The following SPOCK3 variants were observed in gnomAD, a reference collection of about 807,000 sequenced individuals.
SPOCK3 encodes SPARC (osteonectin), cwcv and kazal like domains proteoglycan 3, also known as testican-3.
In SPOCK3, 30 loss-of-function variants were observed where a neutral mutation model predicts 56.6. The observed-to-expected ratio is 0.53, with a 90% CI of 0.40 to 0.72. The LOEUF (loss-of-function observed/expected upper bound fraction) is 0.72, where lower values mean the gene tolerates loss of function less well. Ranked by LOEUF, SPOCK3 falls within the 30% of genes least tolerant of loss-of-function variation. The pLI, the probability that SPOCK3 is intolerant of heterozygous loss-of-function variation, is 0.00. For synonymous variants in SPOCK3, 196 were observed against 183.3 expected, an observed-to-expected ratio of 1.07 and a Z score of -0.56; for missense variants, 527 against 530.0, an observed-to-expected ratio of 0.99 and a Z score of 0.06.
chr4:166,778,172 C>G (rs1481199598), intron 7 of SPOCK3, among the ~76,000 whole-genome samples: 1 of 152,130 alleles, frequency 6.6e-6, no homozygotes, highest in Admixed American at 6.5e-5. Flanking sequence ...CAGAAGCTAT[C>G]AAACATAAAT....
chr4:166,892,902 A>G (rs1352330585), intron 5 of SPOCK3, among the ~76,000 whole-genome samples: 1 of 152,128 alleles, frequency 6.6e-6, no homozygotes, highest in Non-Finnish European at 1.5e-5. Flanking sequence ...CCCAACCTTC[A>G]GGGTCAGCAA....
chr4:166,885,593 TC>T (rs1734105465), intron 6 of SPOCK3, among the ~76,000 whole-genome samples: 1 of 152,080 alleles, frequency 6.6e-6, no homozygotes, highest in Non-Finnish European at 1.5e-5. Flanking sequence ...TTCTACTTCC[TC>T]CTTTTTTACC....
At chr4:166,955,098 T>C (rs1743237864) in intron 4 of SPOCK3, among the ~76,000 whole-genome samples, 1 of 152,184 alleles carries the variant, frequency 6.6e-6, no homozygotes, top group Admixed American at 6.6e-5. Context: ...GTGAGATCAC[T>C]GTTATGTAAA....
chr4:166,784,738 A>C (rs1248051134), intron 7 of SPOCK3, among the ~76,000 whole-genome samples: 1 of 152,086 alleles, frequency 6.6e-6, no homozygotes, highest in Non-Finnish European at 1.5e-5. Context: ...CTTGGTAAGA[A>C]ATTAGAATGT....
At chr4:167,027,726 A>G (rs1751833871) in intron 3 of SPOCK3, among the ~76,000 whole-genome samples, 1 of 152,070 alleles carries the variant, frequency 6.6e-6, no homozygotes, top group Non-Finnish European at 1.5e-5. Context: ...AAGGAAGAGA[A>G]AATATATTTG....
chr4:166,873,249 A>G (rs1006171581), intron 6 of SPOCK3, among the ~76,000 whole-genome samples: 1 of 152,120 alleles, frequency 6.6e-6, no homozygotes, highest in African/African-American at 2.4e-5. Flanking sequence ...GGCTTGGAGA[A>G]GAGAGGGATG....
chr4:166,737,450 G>A lies in SPOCK3; in HGVS notation c.1132+17C>T, dbSNP rs766293206. ...CTGTGCTTAGAAAATTATGAAATAA[G>A]TAACCCTTCTCCTTACCACAATCTG... On this transcript the variant is annotated intron_variant, in intron 10 of 10. Coordinates refer to ENST00000357545, the MANE Select transcript of SPOCK3 (RefSeq NM_001040159.2). The A allele has an allele frequency of 3.7e-6, 6 of 1,603,918 alleles. No homozygotes were observed. Among genetic ancestry groups the A allele is most frequent in the South Asian group, 1.1e-5 (1 of 89,292 alleles).
At position 166,784,347 on chromosome 4, in the gene SPOCK3, G is replaced by A. The variant is rs552708219; in HGVS notation, c.709+7823C>T. On this transcript the variant is annotated intron_variant, in intron 7 of 10. Coordinates refer to ENST00000357545, the MANE Select transcript of SPOCK3 (RefSeq NM_001040159.2). ...ATACTTTTAAACTACATGTGATTAC[G>A]TTAATTTAGCTATATATGAATCGTA... Among the ~76,000 whole-genome samples, 29 of 152,106 alleles carry A rather than the reference G, an allele frequency of 1.9e-4. No homozygotes were observed. The East Asian group carries it at 3.7e-3, about 19-fold the overall frequency.
At chr4:166,790,837 G>T (rs567221982) in intron 7 of SPOCK3, among the ~76,000 whole-genome samples, 75 of 152,274 alleles carry the variant, frequency 4.9e-4, no homozygotes, top group Non-Finnish European at 9.0e-4. Flanking sequence ...GAGTGGATAT[G>T]AATTTTAAAA....
At chr4:166,895,329 A>G (rs963628206) in intron 5 of SPOCK3, among the ~76,000 whole-genome samples, 2 of 152,150 alleles carry the variant, frequency 1.3e-5, no homozygotes, top group Admixed American at 6.6e-5. Flanking sequence ...ATAATAAAAA[A>G]TAAGATGAGA....
chr4:167,225,053 T>C (rs1736453696), intron 2 of SPOCK3, among the ~76,000 whole-genome samples: 1 of 152,196 alleles, frequency 6.6e-6, no homozygotes, highest in Non-Finnish European at 1.5e-5. Flanking sequence ...ATACTGAATT[T>C]AATTATCTCT....
At chr4:166,975,523 A>C (rs1745852021) in intron 4 of SPOCK3, among the ~76,000 whole-genome samples, 2 of 152,160 alleles carry the variant, frequency 1.3e-5, no homozygotes, top group African/African-American at 4.8e-5. Context: ...CTATAATTTT[A>C]GTTATTTTTA....
chr4:167,197,680 G>A (rs1265803166), intron 2 of SPOCK3, among the ~76,000 whole-genome samples: 1 of 151,868 alleles, frequency 6.6e-6, no homozygotes, highest in East Asian at 1.9e-4. Flanking sequence ...TAAGAAACTG[G>A]ACAAAAATCA....
At chr4:167,101,242 T>C (rs995638624) in intron 2 of SPOCK3, among the ~76,000 whole-genome samples, 7 of 152,114 alleles carry the variant, frequency 4.6e-5, no homozygotes, top group Non-Finnish European at 1.0e-4. Context: ...AAGCTCTTTC[T>C]CCCTCCCACT....
At chr4:166,985,770 T>C (rs1173466827) in intron 4 of SPOCK3, among the ~76,000 whole-genome samples, 1 of 152,196 alleles carries the variant, frequency 6.6e-6, no homozygotes, top group African/African-American at 2.4e-5. Flanking sequence ...GGATTATTTA[T>C]TCTATGAAGC....
At chr4:166,955,603 C>T (rs13124769) in intron 4 of SPOCK3, among the ~76,000 whole-genome samples, 8 of 133,824 alleles carry the variant, frequency 6.0e-5, no homozygotes, top group African/African-American at 8.5e-5. Context: ...TTAATATAAT[C>T]AAATTAGATT....
At chr4:166,958,153 G>A (rs751322864) in intron 4 of SPOCK3, among the ~76,000 whole-genome samples, 10 of 152,128 alleles carry the variant, frequency 6.6e-5, no homozygotes, top group African/African-American at 1.4e-4. Flanking sequence ...AACACCATCC[G>A]CCTTGATGCT....
At chr4:166,809,046 CATG>C (rs1458308124) in intron 6 of SPOCK3, among the ~76,000 whole-genome samples, 3 of 151,982 alleles carry the variant, frequency 2.0e-5, no homozygotes, top group South Asian at 2.1e-4. Context: ...TACAAAAAAA[CATG>C]ATAATTAAAG....
rs761777222 is a variant in SPOCK3 at position 166,880,726 on chromosome 4, C to T, written c.589+8404G>A. Among the ~76,000 whole-genome samples the T allele has an allele frequency of 1.7e-4, 26 of 152,152 alleles. 1 individual carries two copies. Among genetic ancestry groups the T allele is most frequent in the South Asian group, 1.0e-3 (5 of 4,822 alleles). On this transcript the variant is annotated intron_variant, in intron 6 of 10. Coordinates refer to ENST00000357545, the MANE Select transcript of SPOCK3 (RefSeq NM_001040159.2). ...CCTAAAGTCAATCGACAAGGCATAA[C>T]CATTTAGCTTCCTAAACATTTCTTG...
Sources: gnomAD v4.1 joint callset for allele counts (sites outside exome capture counted in the v4.1 genomes callset) on GRCh38, gnomAD v4.1.1 for gene constraint, MANE v1.5 for transcripts, NCBI Gene and HGNC (gene_info 2026-07-23, HGNC 2026-07-21) for gene names.